The following PLEKHH2 variants were observed in gnomAD, a reference collection of about 807,000 sequenced individuals.
PLEKHH2 encodes the protein pleckstrin homology, MyTH4 and FERM domain containing H2.
PLEKHH2 carries 129 observed loss-of-function variants against 187.9 expected under a neutral mutation model. The ratio of observed to expected loss-of-function variants is 0.69; its 90% confidence interval spans 0.59 to 0.79. PLEKHH2 has a LOEUF of 0.79. PLEKHH2 is among the 30% of genes least tolerant of loss of function. The probability of loss-of-function intolerance (pLI) is 0.00; values close to 1 mark genes in which losing one functional copy is unlikely to be tolerated. For missense variants in PLEKHH2, 2,076 were observed against 1,751.2 expected, an observed-to-expected ratio of 1.19 and a Z score of -3.31; for synonymous variants, 686 against 605.6, an observed-to-expected ratio of 1.13 and a Z score of -1.95.
rs1397919288 is a variant in PLEKHH2 at position 43,700,151 on chromosome 2, C to T, written c.1193C>T (p.Ser398Leu). 2 of 1,614,018 alleles carry T rather than the reference C, an allele frequency of 1.2e-6. No individual in the cohort carries two copies. Among genetic ancestry groups the T allele is most frequent in the African/African-American group, 2.7e-5 (2 of 74,912 alleles). ...KKFQSQRLDY[S>L]SSSSEANTPS... The stretch of plus-strand genomic sequence containing the variant: ...TTTCAATCCCAGAGACTCGATTATT[C>T]ATCTTCATCGAGTGAAGCCAACACC... Residue 398 changes from serine (S) to leucine (L), a missense_variant, in exon 8 of 30, where the codon TCA becomes TTA. Transcript: ENST00000282406.
intron 9 of PLEKHH2, among the ~76,000 whole-genome samples, chr2:43,705,835 C>T (rs534976249): frequency 6.6e-6 from 1 of 152,254 alleles, no homozygotes; most frequent in Admixed American, 6.5e-5. Flanking sequence ...TCTCAAACTC[C>T]TGGGCTCAAG....
In PLEKHH2 at chr2:43,765,486, T is replaced by C. The variant is rs1672585685; in HGVS notation, c.4370T>C (p.Leu1457Pro). 13 of 1,614,106 alleles carry C rather than the reference T, an allele frequency of 8.1e-6. No individual in the cohort carries two copies. Among genetic ancestry groups the C allele is most frequent in the Non-Finnish European group, 1.0e-5 (12 of 1,179,990 alleles). Residue 1457 changes from leucine to proline, a missense_variant, in exon 30 of 30, where the codon CTC becomes CCC. Physicochemically the swap from Leu to Pro is moderately conservative, Grantham distance 98. Coordinates refer to ENST00000282406, the MANE Select transcript of PLEKHH2 (RefSeq NM_172069.4). ...FHQQKAAFHHLSAPALLSAQT... is the reference protein window; with the variant it reads ...FHQQKAAFHHPSAPALLSAQT... ...CAGCAAAAGGCAGCATTTCACCACC[T>C]CTCTGCTCCAGCACTGCTCTCAGCC...
At chr2:43,637,695 GCGGC>G (rs1703177092) in intron 1 of PLEKHH2, among the ~76,000 whole-genome samples, 1 of 152,148 alleles carries the variant, frequency 6.6e-6, no homozygotes, top group Non-Finnish European at 1.5e-5. Flanking sequence ...GGCTTCTGGC[GCGGC>G]GCGAGCGGTC....
Position 43,653,265 on chromosome 2 carries a change from T to A in PLEKHH2, c.123+8469T>A, listed in dbSNP as rs375164308. Among the ~76,000 whole-genome samples, 4 of 151,680 alleles carry A rather than the reference T, an allele frequency of 2.6e-5. No homozygotes were observed. The East Asian group carries it at 7.7e-4, about 29-fold the overall frequency. ...ATAATGAACGTTTAGAATATAGAGA[T>A]CAAAGAAAAGATTCTGCAAGCTTTC... On this transcript the variant is annotated intron_variant, in intron 2 of 29. Transcript: ENST00000282406.
intron 16 of PLEKHH2, among the ~76,000 whole-genome samples, chr2:43,721,292 G>A (rs999936137): frequency 2.0e-5 from 3 of 152,084 alleles, no homozygotes; most frequent in Non-Finnish European, 4.4e-5. Context: ...CGCATGCCCA[G>A]TCATCATTAT....
At chr2:43,654,211 A>T (rs1666628736) in intron 2 of PLEKHH2, among the ~76,000 whole-genome samples, 1 of 152,096 alleles carries the variant, frequency 6.6e-6, no homozygotes, top group Non-Finnish European at 1.5e-5. Flanking sequence ...TTATTTATTT[A>T]TTGAGACGGA....
chr2:43,657,629 G>A (rs553571046), intron 2 of PLEKHH2, among the ~76,000 whole-genome samples: 6 of 152,322 alleles, frequency 3.9e-5, no homozygotes, highest in African/African-American at 1.2e-4. Context: ...ACATGGGATA[G>A]GAGTTACTGG....
intron 3 of PLEKHH2, among the ~76,000 whole-genome samples, chr2:43,691,861 T>C (rs1282882024): frequency 6.6e-6 from 1 of 152,176 alleles, no homozygotes; most frequent in Non-Finnish European, 1.5e-5. Flanking sequence ...TTTGGGGGTC[T>C]AGTTTATTTG....
intron 29 of PLEKHH2, among the ~76,000 whole-genome samples, chr2:43,764,723 T>A (rs542428371): frequency 6.6e-6 from 1 of 152,220 alleles, no homozygotes; most frequent in Admixed American, 6.5e-5. Flanking sequence ...TTTATACACA[T>A]TATCTTATTC....
chr2:43,689,134 C>T (rs886711610), intron 3 of PLEKHH2, among the ~76,000 whole-genome samples: 5 of 152,200 alleles, frequency 3.3e-5, no homozygotes, highest in African/African-American at 1.2e-4. Flanking sequence ...CAGAGGTTGT[C>T]TCCCAAGAGC....
At chr2:43,681,344 T>C in intron 3 of PLEKHH2, 1 of 1,161,810 alleles carries the variant, frequency 8.6e-7, no homozygotes, top group Non-Finnish European at 1.2e-6. Flanking sequence ...TCCATTGGGG[T>C]CACCTGTCAT....
chr2:43,675,921 G>C, intron 2 of PLEKHH2: 1 of 1,614,042 alleles, frequency 6.2e-7, no homozygotes, highest in Non-Finnish European at 8.5e-7. Flanking sequence ...ACCAGTTGTA[G>C]TTGTCACCAT....
chr2:43,724,815 A>G (rs898022907), intron 16 of PLEKHH2, among the ~76,000 whole-genome samples: 1 of 152,218 alleles, frequency 6.6e-6, no homozygotes, highest in Non-Finnish European at 1.5e-5. Context: ...GGGATAAAAA[A>G]GTCAAATGAC....
intron 2 of PLEKHH2, among the ~76,000 whole-genome samples, chr2:43,645,188 T>A (rs953839601): frequency 1.1e-4 from 16 of 152,158 alleles, no homozygotes; most frequent in African/African-American, 3.4e-4. Flanking sequence ...ATTTGAAAGA[T>A]GTATCTACTT....
At chr2:43,746,051 T>C (rs1671767018) in intron 24 of PLEKHH2, 88 bp downstream of exon 24, 1 of 692,598 alleles carries the variant, frequency 1.4e-6, no homozygotes, top group African/African-American at 1.9e-5. Flanking sequence ...ATTGAATGCC[T>C]TAAAAGTTAT....
rs1236125172 is a variant in PLEKHH2, at chr2:43,753,780, G to A, written c.3795+20G>A. 1.3e-6 allele frequency: 2 copies of A among 1,497,218 alleles called. No homozygotes were observed. The highest frequency in any genetic ancestry group is 1.8e-6 in the Non-Finnish European group (2 of 1,116,184). 92.7% of individuals were successfully genotyped at this position (1,497,218 alleles called of 1,614,324 possible). A position where few individuals can be genotyped will look rare whatever the true frequency, so the allele number is the denominator to read the frequency against. On this transcript the variant is annotated intron_variant, in intron 25 of 29. Transcript: ENST00000282406. ...TCTCAGGTAACTTCCATGTTATATG[G>A]AGTAATATATTGAAATAATATGATA...
chr2:43,726,924 T>A (rs1377020732), intron 17 of PLEKHH2, among the ~76,000 whole-genome samples: 1 of 152,198 alleles, frequency 6.6e-6, no homozygotes, highest in East Asian at 1.9e-4. Flanking sequence ...ATTTCTTATA[T>A]ATTGAGGAAA....
intron 14 of PLEKHH2, chr2:43,711,743 A>T (rs867795910): frequency 2.4e-6 from 1 of 419,040 alleles, no homozygotes; most frequent in East Asian, 1.5e-4. Context: ...TTCAAAAAAA[A>T]TTATCCGGGC....
At chr2:43,704,200 A>G (rs761433967) in intron 9 of PLEKHH2, 144 bp downstream of exon 9, 43 of 583,798 alleles carry the variant, frequency 7.4e-5, no homozygotes, top group Non-Finnish European at 1.1e-4. Context: ...GGTCAAATTC[A>G]TAGGAATAGA....
Sources: allele counts gnomAD v4.1 joint callset (sites outside exome capture counted in the v4.1 genomes callset), GRCh38; gene constraint gnomAD v4.1.1; transcripts MANE v1.5; gene names NCBI Gene and HGNC (gene_info 2026-07-23, HGNC 2026-07-21).